SORBS3: variants seen among roughly 807,000 people sequenced by gnomAD.
SORBS3 encodes the protein vinexin.
SORBS3 carries 69 observed loss-of-function variants against 98.0 expected under a neutral mutation model. The observed-to-expected ratio is 0.70, with a 90% confidence interval of 0.58 to 0.86. The LOEUF (loss-of-function observed/expected upper bound fraction) is 0.86. SORBS3 is among the 40% of genes least tolerant of loss of function. The pLI, the probability that SORBS3 is intolerant of heterozygous loss-of-function variation, is 0.00. For synonymous variants in SORBS3, 394 were observed against 355.4 expected (o/e 1.11, Z -1.22); for missense variants, 954 against 908.5 (o/e 1.05, Z -0.64).
At position 22,554,645 on chromosome 8, in the gene SORBS3, C is replaced by A; in HGVS notation, c.102+37C>A. 6.3e-7 allele frequency: 1 copy of A among 1,580,800 alleles called. No individual in the cohort carries two copies. Among genetic ancestry groups the A allele is most frequent in the East Asian group, 2.3e-5 (1 of 43,328 alleles). ...AGTAGGGAGGAGGGTGTCCTGCGGGCCCGGAGTTGGTTGGGACGCTAGCAG... is the reference window on the plus strand; with the variant it reads ...AGTAGGGAGGAGGGTGTCCTGCGGGACCGGAGTTGGTTGGGACGCTAGCAG... On this transcript the variant is annotated intron_variant, in intron 2 of 20. Transcript: ENST00000240123. The surrounding 1 kb of genome is among the most constrained non-coding windows in gnomAD (Gnocchi z 6.5).
At position 22,562,684 on chromosome 8, in the gene SORBS3, TA is replaced by T. The variant is rs530030844; in HGVS notation, c.584+754del. On this transcript the variant is annotated intron_variant, in intron 7 of 20. Transcript: ENST00000240123. ...CTGCCACTAGCCATGTGACTGTGGGTACCTCACTCAGTCTGAGCCTCTGTGT... is the reference window on the plus strand; with the variant it reads ...CTGCCACTAGCCATGTGACTGTGGGTCCTCACTCAGTCTGAGCCTCTGTGT... Among the ~76,000 whole-genome samples, 16 of 152,360 alleles carry T rather than the reference TA, an allele frequency of 1.1e-4. No individual in the cohort carries two copies. The East Asian group carries it at 2.1e-3, about 20-fold the overall frequency.
chr8:22,569,162 T>C lies in SORBS3; in HGVS notation c.1320T>C (p.Asp440=), dbSNP rs1840502381. The change falls in exon 17 of 21, where the codon GAT becomes GAC. Residue 440 remains aspartate (D), a synonymous_variant. Transcript: ENST00000240123. ...TCTTCATGCAGGTGCTGCCCGCAGA[T>C]GAGATCCCTAAGCCCATCAAGCCCC... ...PANYVEVLPA[D]EIPKPIKPPT... 1 of 1,605,778 alleles carries C rather than the reference T, an allele frequency of 6.2e-7. No individual in the cohort carries two copies.
rs1200795769 is a variant in SORBS3, at chr8:22,561,877, T to C, written c.530T>C (p.Leu177Pro). ...FEEPPRDPRH[L>P]GAQQRPAHRP... ...ACCTCCTCTGCAGACCCCAGGCATC[T>C]AGGAGCCCAGCAAAGACCTGCCCAC... is the stretch of plus-strand genomic sequence containing the variant. Residue 177 changes from leucine to proline, a missense_variant, in exon 7 of 21, where the codon CTA becomes CCA. Physicochemically the swap from Leu to Pro is moderately conservative, Grantham distance 98. Coordinates refer to ENST00000240123, the MANE Select transcript of SORBS3 (RefSeq NM_005775.5). 2 of 1,614,008 alleles carry C rather than the reference T, an allele frequency of 1.2e-6. No individual in the cohort carries two copies. The highest frequency in any genetic ancestry group is 1.7e-6 in the Non-Finnish European group (2 of 1,180,010).
chr8:22,570,123 G>A (rs914413208), intron 17 of SORBS3, among the ~76,000 whole-genome samples: 2 of 152,182 alleles, frequency 1.3e-5, no homozygotes, highest in Admixed American at 1.3e-4. Flanking sequence ...TCTGCCTTTG[G>A]TTGATTTTGG....
Position 22,564,529 on chromosome 8 carries a change from C to G in SORBS3, c.816+8C>G, listed in dbSNP as rs373002543. On this transcript the variant is annotated splice_region_variant and intron_variant, in intron 10 of 20. Coordinates refer to ENST00000240123, the MANE Select transcript of SORBS3 (RefSeq NM_005775.5). ...CCCTCCCAGCCCATTGAGGTGAGTG[C>G]TGCAGGGTGCTGGGGACAGCAGCCT... 2.7e-5 allele frequency: 44 copies of G among 1,613,878 alleles called. 1 individual carries two copies. In the African/African-American group the frequency reaches 5.5e-4, roughly 20 times the overall value.
intron 5 of SORBS3, among the ~76,000 whole-genome samples, chr8:22,558,908 T>C (rs1274217686): frequency 1.3e-5 from 2 of 152,062 alleles, no homozygotes; most frequent in Non-Finnish European, 2.9e-5. Context: ...GACCCAGAGG[T>C]AGAAGCATGT....
At position 22,551,965 on chromosome 8, in the gene SORBS3, A is replaced by G; in HGVS notation, c.-113A>G. On this transcript the variant is annotated 5_prime_UTR_variant, in exon 1 of 21. Transcript: ENST00000240123. The surrounding 1 kb of genome is among the most constrained non-coding windows in gnomAD (Gnocchi z 5.8). ...CGCCCGCGCCAGGCAGCAGCCGGGC[A>G]GGGATGCTCCTGCGCTCCCGGGCGG... 1 of 985,384 alleles carries G rather than the reference A, an allele frequency of 1.0e-6. No individual in the cohort carries two copies. Among genetic ancestry groups the G allele is most frequent in the Non-Finnish European group, 1.2e-6 (1 of 830,010 alleles). The allele number at this position is 985,384 out of a possible 1,614,324, so 61.0% of individuals were successfully genotyped here. A position where few individuals can be genotyped will look rare whatever the true frequency, so the allele number is the denominator to read the frequency against.
intron 6 of SORBS3, 134 bp downstream of exon 6, chr8:22,561,507 G>T (rs761216626): frequency 2.2e-5 from 21 of 939,676 alleles, no homozygotes; most frequent in Non-Finnish European, 3.2e-5. Context: ...GGTTTTTATA[G>T]CTCATTTCCA....
At chr8:22,563,963 A>G in intron 7 of SORBS3, 24 bp from the exon 8 acceptor site, 1 of 1,573,688 alleles carries the variant, frequency 6.4e-7, no homozygotes, top group South Asian at 1.1e-5. Flanking sequence ...AGGAAGCTGA[A>G]GAGATGTCCT....
chr8:22,568,830 T>G (rs1287889341), intron 16 of SORBS3, among the ~76,000 whole-genome samples: 1 of 152,218 alleles, frequency 6.6e-6, no homozygotes, highest in Admixed American at 6.5e-5. Context: ...CGCCTCATTT[T>G]CTTCTGTGGT....
intron 15 of SORBS3, 62 bp downstream of exon 15, chr8:22,566,930 T>G (rs1840440902): frequency 1.3e-6 from 2 of 1,581,496 alleles, no homozygotes; most frequent in Admixed American, 1.8e-5. Context: ...CAGAGGGGGA[T>G]GGGGAGGGGG....
Position 22,554,279 on chromosome 8 carries a change from A to C in SORBS3, c.-55-173A>C. 4 of 472,108 alleles carry C rather than the reference A, an allele frequency of 8.5e-6. No individual in the cohort carries two copies. The highest frequency in any genetic ancestry group is 1.4e-5 in the Non-Finnish European group (4 of 285,146). 29.2% of individuals were successfully genotyped at this position (472,108 alleles called of 1,614,324 possible). A position where few individuals can be genotyped will look rare whatever the true frequency, so the allele number is the denominator to read the frequency against. The stretch of plus-strand genomic sequence containing the variant: ...CCCCTGGGAGCCGGCAGGCACGGGC[A>C]GCCTGCAGGCGGGTGCCTGGCGTGG... On this transcript the variant is annotated intron_variant, in intron 1 of 20. Coordinates refer to ENST00000240123, the MANE Select transcript of SORBS3 (RefSeq NM_005775.5). This position sits in a 1 kb window ranked among gnomAD's most constrained non-coding sequence, Gnocchi z 6.5.
upstream of SORBS3, among the ~76,000 whole-genome samples, chr8:22,550,249 C>T (rs1840061053): frequency 6.6e-6 from 1 of 152,242 alleles, no homozygotes; most frequent in African/African-American, 2.4e-5. Flanking sequence ...CTGCCATCCC[C>T]ATCTCTCCGC....
upstream of SORBS3, chr8:22,550,044 C>G: frequency 1.0e-6 from 1 of 983,926 alleles, no homozygotes; most frequent in Non-Finnish European, 1.2e-6. Context: ...TTCTTAGTCC[C>G]AAGGACCCTG....
chr8:22,564,366 G>T lies in SORBS3; in HGVS notation c.759G>T (p.Gln253His). The change falls in exon 9 of 21, where the codon CAG becomes CAT. Residue 253 changes from glutamine to histidine, a missense_variant. Coordinates refer to ENST00000240123, the MANE Select transcript of SORBS3 (RefSeq NM_005775.5). ...TTCTGCAGGAACTAGAGACTGGGCA[G>T]AGGGTGAGTGCTGGCTGGCTCTCGG... ...NQFLQELETG[Q>H]RPKKPLVDDP... 6.2e-7 allele frequency: 1 copy of T among 1,614,066 alleles called. No individual in the cohort carries two copies. The highest frequency in any genetic ancestry group is 8.5e-7 in the Non-Finnish European group (1 of 1,179,932).
intron 7 of SORBS3, 106 bp from the exon 8 acceptor site, chr8:22,563,881 A>G: frequency 2.4e-6 from 2 of 827,154 alleles, no homozygotes; most frequent in Non-Finnish European, 4.1e-6. Flanking sequence ...TCAGAGGCAG[A>G]GTAGACCCCA....
rs1840432763 is a variant in SORBS3, at chr8:22,566,708, A to T, written c.1138A>T (p.Lys380Ter). The T allele has an allele frequency of 1.2e-6, 2 of 1,612,378 alleles. No homozygotes were observed. Among genetic ancestry groups the T allele is most frequent in the Non-Finnish European group, 1.7e-6 (2 of 1,179,540 alleles). Residue 380 changes from lysine (K) to a stop codon, truncating the protein, a stop_gained, in exon 14 of 21, where the codon AAG becomes TAG. Coordinates refer to ENST00000240123, the MANE Select transcript of SORBS3 (RefSeq NM_005775.5). LOFTEE classifies it high-confidence loss of function. ...GGGSPARREE[K>*]KRKAARLKFD... ...GGGCAGCCCAGCCAGGAGGGAAGAG[A>T]AGAAGGTAAGGAGGGGACCAGGTGT...
At chr8:22,549,413 C>CG (rs58929715), upstream of SORBS3, among the ~76,000 whole-genome samples, 1 of 152,304 alleles carries the variant, frequency 6.6e-6, no homozygotes, top group African/African-American at 2.4e-5. Flanking sequence ...AGGGAGGCGT[C>CG]GGGAAATCAG....
chr8:22,568,090 G>T (rs573451644), intron 16 of SORBS3, among the ~76,000 whole-genome samples: 36 of 152,132 alleles, frequency 2.4e-4, no homozygotes, highest in Non-Finnish European at 4.6e-4. Context: ...GACCTCAGGT[G>T]ATCCACCCGC....
Sources: allele counts gnomAD v4.1 joint callset (sites outside exome capture counted in the v4.1 genomes callset), GRCh38; gene constraint gnomAD v4.1.1; non-coding constraint Gnocchi (gnomAD v3.1); transcripts MANE v1.5; gene names NCBI Gene and HGNC (gene_info 2026-07-23, HGNC 2026-07-21).